PDE4D: variants seen among roughly 807,000 people sequenced by gnomAD.
PDE4D encodes the protein 3',5'-cyclic-AMP phosphodiesterase 4D.
PDE4D carries 24 observed loss-of-function variants against 87.4 expected under a neutral mutation model. The ratio of observed to expected loss-of-function variants is 0.27; its 90% CI spans 0.20 to 0.39. PDE4D has a LOEUF of 0.39. PDE4D is among the 10% of genes least tolerant of loss of function. The pLI is 1.00. For missense variants in PDE4D, 714 were observed against 1,041.0 expected (o/e 0.69, Z 4.32); for synonymous variants, 384 against 383.2 (o/e 1.00, Z -0.02).
At chr5:59,716,174 T>G (rs1315914501) in intron 1 of PDE4D, among the ~76,000 whole-genome samples, 17 of 152,212 alleles carry the variant, frequency 1.1e-4, no homozygotes. Context: ...GGCTCACAAC[T>G]CTGCACATTA....
intron 3 of PDE4D, among the ~76,000 whole-genome samples, chr5:59,979,783 A>T (rs1761724905): frequency 6.6e-6 from 1 of 152,172 alleles, no homozygotes; most frequent in South Asian, 2.1e-4. Flanking sequence ...ATGAAAAATA[A>T]TATGGAAATT....
chr5:59,669,339 C>T (rs1385300633), intron 1 of PDE4D, among the ~76,000 whole-genome samples: 12 of 152,068 alleles, frequency 7.9e-5, no homozygotes, highest in East Asian at 1.9e-4. Flanking sequence ...CTCAAACTCC[C>T]GACCTCAGGT....
At chr5:59,766,179 C>T (rs937300493) in intron 1 of PDE4D, among the ~76,000 whole-genome samples, 2 of 152,262 alleles carry the variant, frequency 1.3e-5, no homozygotes, top group Non-Finnish European at 2.9e-5. Flanking sequence ...ATATTATGAA[C>T]GTCTTGGGGC....
At position 60,341,891 on chromosome 5, in the gene PDE4D, T is replaced by G. The variant is rs1167199112; in HGVS notation, c.-90+146051A>C. On this transcript the variant is annotated intron_variant, in intron 1 of 16. Transcript: ENST00000502484. ...CCACCCCACCACTGTCTAATCAACA[T>G]GAATTTACAGGCAAAGAAGAGCAAT... Among the ~76,000 whole-genome samples the G allele has an allele frequency of 2.0e-5, 3 of 152,148 alleles. No individual in the cohort carries two copies. In the East Asian group the frequency reaches 5.8e-4, roughly 29 times the overall value.
intron 1 of PDE4D, among the ~76,000 whole-genome samples, chr5:59,780,462 T>A (rs1343599329): frequency 1.3e-5 from 2 of 152,242 alleles, no homozygotes; most frequent in Non-Finnish European, 2.9e-5. Flanking sequence ...CTACACATTA[T>A]AGAAGGGTTT....
chr5:59,173,384 G>C (rs556974403), intron 5 of PDE4D, among the ~76,000 whole-genome samples: 2 of 152,256 alleles, frequency 1.3e-5, no homozygotes, highest in East Asian at 3.9e-4. Flanking sequence ...TTGTAAGAAA[G>C]AGAACTGACT....
chr5:59,747,834 CT>C (rs1181181140), intron 1 of PDE4D, among the ~76,000 whole-genome samples: 8 of 152,264 alleles, frequency 5.3e-5, no homozygotes, highest in African/African-American at 1.9e-4. Context: ...CTCCTTACCC[CT>C]ATTCCCCCAA....
chr5:60,023,596 T>G lies in PDE4D; in HGVS notation c.43-34879A>C, dbSNP rs560302182. Among the ~76,000 whole-genome samples, 85 of 152,292 alleles carry G rather than the reference T, an allele frequency of 5.6e-4. 1 individual carries two copies. The highest frequency in any genetic ancestry group is 2.0e-3 in the African/African-American group (83 of 41,564). On this transcript the variant is annotated intron_variant, in intron 2 of 16. Coordinates refer to the PDE4D transcript ENST00000502484. ...CCCCTTTTCAGATTTCTTTCTCTAC[T>G]TCTACAGGTCCCCTTCTCTCCACTC... is the stretch of plus-strand genomic sequence containing the variant.
intron 1 of PDE4D, among the ~76,000 whole-genome samples, chr5:59,461,254 T>C (rs1466325493): frequency 6.6e-6 from 1 of 152,148 alleles, no homozygotes; most frequent in Non-Finnish European, 1.5e-5. Flanking sequence ...TATTTACATG[T>C]ATCAAAAATC....
At position 59,693,193 on chromosome 5, in the gene PDE4D, A is replaced by G. The variant is rs182525847; in HGVS notation, c.455+199975T>C. 4.3e-4 allele frequency among the ~76,000 whole-genome samples: 65 copies of G among 152,014 alleles called. 2 individuals are homozygous for G. The East Asian group carries it at 5.0e-3, about 12-fold the overall frequency. ...TAACTGAAGGAAAAAAATAGTAAAA[A>G]ATATATAAATAAAATAAAGAAAGAA... On this transcript the variant is annotated intron_variant, in intron 1 of 14. Transcript: ENST00000340635.
At chr5:59,375,513 T>A (rs934564302) in intron 1 of PDE4D, among the ~76,000 whole-genome samples, 2 of 151,982 alleles carry the variant, frequency 1.3e-5, no homozygotes, top group Non-Finnish European at 2.9e-5. Flanking sequence ...CTGAATGGAC[T>A]AATAAAAAGC....
rs79126241 is a variant in PDE4D, at chr5:59,361,779, T to C, written c.456-145811A>G. Among the ~76,000 whole-genome samples, 1,038 of 152,328 alleles carry C rather than the reference T, an allele frequency of 6.8e-3. 11 individuals are homozygous for C. The highest frequency in any genetic ancestry group is 0.024 in the African/African-American group (1,008 of 41,570). On this transcript the variant is annotated intron_variant, in intron 1 of 14. Coordinates refer to ENST00000340635, the MANE Select transcript of PDE4D (RefSeq NM_001104631.2). ...CAGTCTAGAGACATAAAAACCACAA[T>C]TATGTTTGTTTAATAAATGGACAAA...
chr5:59,062,853 CCTATAACA>C (rs1177271666), intron 5 of PDE4D, among the ~76,000 whole-genome samples: 1 of 151,936 alleles, frequency 6.6e-6, no homozygotes, highest in Admixed American at 6.6e-5. Context: ...ACCCCCACCC[CCTATAACA>C]CTACATACAT....
chr5:60,285,226 T>C (rs1409946899), intron 1 of PDE4D, among the ~76,000 whole-genome samples: 1 of 152,064 alleles, frequency 6.6e-6, no homozygotes, highest in East Asian at 1.9e-4. Context: ...AGTACAACAG[T>C]CATTAACAGA....
chr5:59,443,159 A>G (rs974989284), intron 1 of PDE4D, among the ~76,000 whole-genome samples: 3 of 152,230 alleles, frequency 2.0e-5, no homozygotes, highest in Non-Finnish European at 2.9e-5. Context: ...ATAAAATGTT[A>G]TAAGAGTTCA....
In PDE4D at chr5:59,966,525, C is replaced by T. The variant is rs923634156; in HGVS notation, c.272+21963G>A. On this transcript the variant is annotated intron_variant, in intron 3 of 16. Coordinates refer to the PDE4D transcript ENST00000502484. ...TAATTTAAATGCAAATAAGAAGCCA[C>T]CCATAGACAACTTTATTTTGTGGTT... 5.3e-5 allele frequency among the ~76,000 whole-genome samples: 8 copies of T among 152,156 alleles called. 1 individual carries two copies. In the South Asian group the frequency reaches 6.2e-4, roughly 12 times the overall value.
chr5:59,853,099 A>G (rs979608042), intron 1 of PDE4D, among the ~76,000 whole-genome samples: 1 of 151,622 alleles, frequency 6.6e-6, no homozygotes, highest in Non-Finnish European at 1.5e-5. Context: ...TAGAAGAAAA[A>G]TCCTTTTAGA....
chr5:59,763,334 AT>A (rs757099793), intron 1 of PDE4D, among the ~76,000 whole-genome samples: 1 of 151,966 alleles, frequency 6.6e-6, no homozygotes, highest in African/African-American at 2.4e-5. Context: ...TAATAATAAA[AT>A]AAAAAATAAA....
chr5:59,525,493 C>T (rs1196242404), intron 1 of PDE4D, among the ~76,000 whole-genome samples: 2 of 152,206 alleles, frequency 1.3e-5, no homozygotes, highest in Non-Finnish European at 2.9e-5. Context: ...ACAGAAGGGA[C>T]TTGCCTTGTC....
Sources: allele counts gnomAD v4.1 joint callset (sites outside exome capture counted in the v4.1 genomes callset), GRCh38; gene constraint gnomAD v4.1.1; transcripts MANE v1.5; gene names NCBI Gene and HGNC (gene_info 2026-07-23, HGNC 2026-07-21).